Variants in OLA1 observed in about 807,000 individuals in gnomAD.
OLA1 encodes the protein obg-like ATPase 1.
A neutral mutation model predicts 48.4 loss-of-function variants in OLA1; 14 were observed. The observed-to-expected ratio is 0.29, with a 90% CI of 0.19 to 0.45. OLA1 has a LOEUF of 0.45. Ranked by LOEUF, OLA1 falls within the 20% of genes least tolerant of loss-of-function variation. OLA1 has a pLI of 1.00. For synonymous variants in OLA1, 127 were observed against 150.4 expected (o/e 0.84, Z 1.14); for missense variants, 325 against 467.1 (o/e 0.70, Z 2.80).
intron 7 of OLA1, among the ~76,000 whole-genome samples, chr2:174,112,513 C>A (rs1574487925): frequency 6.6e-6 from 1 of 152,148 alleles, no homozygotes; most frequent in African/African-American, 2.4e-5. Flanking sequence ...AATGTGCCCC[C>A]CAAGGTTCGT....
chr2:174,172,119 A>G, intron 4 of OLA1: 1 of 217,758 alleles, frequency 4.6e-6, no homozygotes, highest in African/African-American at 2.3e-5. Flanking sequence ...AGACTGCCAT[A>G]AAGAATAACC....
chr2:174,221,931 CA>C lies in OLA1; in HGVS notation c.373+1101del, dbSNP rs1688515103. On this transcript the variant is annotated intron_variant, in intron 4 of 10. Transcript: ENST00000284719. ...ACAAAACTGGATCACTTCCCCATCACAGCCTCATTCTTTTATCTAGACTTCC... is the reference window on the plus strand; with the variant it reads ...ACAAAACTGGATCACTTCCCCATCACGCCTCATTCTTTTATCTAGACTTCC... 3.3e-5 allele frequency among the ~76,000 whole-genome samples: 5 copies of C among 152,278 alleles called. No individual in the cohort carries two copies. In the South Asian group the frequency reaches 1.0e-3, roughly 32 times the overall value.
chr2:174,161,206 C>A (rs1687003631), intron 4 of OLA1, among the ~76,000 whole-genome samples: 1 of 152,050 alleles, frequency 6.6e-6, no homozygotes, highest in African/African-American at 2.4e-5. Flanking sequence ...ATTTTGCTAG[C>A]TAAGTTTTAA....
At chr2:174,097,046 C>T (rs970994299) in intron 7 of OLA1, among the ~76,000 whole-genome samples, 1 of 152,138 alleles carries the variant, frequency 6.6e-6, no homozygotes, top group Non-Finnish European at 1.5e-5. Context: ...ATCCCAGCTA[C>T]TTGGGAGGCT....
intron 2 of OLA1, among the ~76,000 whole-genome samples, chr2:174,238,333 T>C (rs1252123762): frequency 5.3e-5 from 8 of 151,648 alleles, no homozygotes; most frequent in Non-Finnish European, 1.2e-4. Flanking sequence ...CCTGGCTCTA[T>C]TAAAAATACA....
At chr2:174,095,325 GT>G (rs1205716344) in intron 7 of OLA1, among the ~76,000 whole-genome samples, 1,330 of 77,950 alleles carry the variant, frequency 0.017, 20 homozygotes, top group African/African-American at 0.058. Context: ...GTTATTTCCT[GT>G]TTTTTTTTTT....
intron 1 of OLA1, chr2:174,247,984 C>A: frequency 1.8e-6 from 1 of 548,796 alleles, no homozygotes; most frequent in Non-Finnish European, 3.1e-6. Context: ...CTCCTAGGAC[C>A]ACGCTGGGGC....
At chr2:174,119,442 T>C (rs1343189387) in intron 7 of OLA1, among the ~76,000 whole-genome samples, 2 of 152,144 alleles carry the variant, frequency 1.3e-5, no homozygotes, top group Non-Finnish European at 2.9e-5. Flanking sequence ...TTTATATTTA[T>C]ATGCATATAT....
rs1411838139 is a variant in OLA1 at position 174,074,578 on chromosome 2, A to G, written c.*848T>C. 6.6e-6 allele frequency: 1 copy of G among 152,250 alleles called. No individual in the cohort carries two copies. The highest frequency in any genetic ancestry group is 2.4e-5 in the African/African-American group (1 of 41,472). 9.4% of individuals were successfully genotyped at this position (152,250 alleles called of 1,614,324 possible). On this transcript the variant is annotated 3_prime_UTR_variant, in exon 11 of 11. Coordinates refer to ENST00000284719, the MANE Select transcript of OLA1 (RefSeq NM_013341.5). ...TATACACATTGCTGAATTGAAGCAA[A>G]ACATAACCCACCAGACATCAATGGG...
chr2:174,166,921 C>G (rs778431295), intron 4 of OLA1, among the ~76,000 whole-genome samples: 6 of 152,144 alleles, frequency 3.9e-5, no homozygotes, highest in Non-Finnish European at 8.8e-5. Flanking sequence ...AGTTCCCCTT[C>G]TTTCTCCTAT....
chr2:174,223,433 T>A lies in OLA1; in HGVS notation c.246-273A>T, dbSNP rs148442494. Among the ~76,000 whole-genome samples, 1,055 of 152,314 alleles carry A rather than the reference T, an allele frequency of 6.9e-3. 16 individuals are homozygous for A. The highest frequency in any genetic ancestry group is 0.05 in the Admixed American group (762 of 15,302). On this transcript the variant is annotated intron_variant, in intron 3 of 10. Coordinates refer to ENST00000284719, the MANE Select transcript of OLA1 (RefSeq NM_013341.5). ...CTGAAATTAAAACTCTTATCATTAA[T>A]TTTACTATAAAGTTCTATTGGCACA... is the stretch of plus-strand genomic sequence containing the variant.
At chr2:174,177,861 A>T (rs925966485) in intron 4 of OLA1, among the ~76,000 whole-genome samples, 2 of 152,048 alleles carry the variant, frequency 1.3e-5, no homozygotes, top group African/African-American at 4.8e-5. Context: ...GATTTCTTAA[A>T]TTTTTTTCAG....
At chr2:174,236,125 T>C (rs1688842241) in intron 2 of OLA1, among the ~76,000 whole-genome samples, 1 of 151,622 alleles carries the variant, frequency 6.6e-6, no homozygotes, top group South Asian at 2.1e-4. Flanking sequence ...TAACATAAAA[T>C]CCACAGTGTA....
At chr2:174,247,829 T>A in intron 1 of OLA1, 1 of 1,532,780 alleles carries the variant, frequency 6.5e-7, no homozygotes, top group Non-Finnish European at 8.8e-7. Flanking sequence ...AAACTTTCTC[T>A]GTCCCTTACT....
chr2:174,169,770 C>T (rs1574525250), intron 4 of OLA1, among the ~76,000 whole-genome samples: 1 of 152,174 alleles, frequency 6.6e-6, no homozygotes, highest in East Asian at 1.9e-4. Flanking sequence ...GTGCAAAAGG[C>T]TTTTTGTTTT....
chr2:174,187,453 C>G (rs778675526), intron 4 of OLA1, among the ~76,000 whole-genome samples: 11 of 152,184 alleles, frequency 7.2e-5, no homozygotes, highest in Non-Finnish European at 1.0e-4. Flanking sequence ...AAGGAGTGAA[C>G]TTCTTACCAG....
At chr2:174,228,293 TTCATA>T (rs1688656134) in intron 3 of OLA1, among the ~76,000 whole-genome samples, 1 of 152,138 alleles carries the variant, frequency 6.6e-6, no homozygotes, top group Non-Finnish European at 1.5e-5. Flanking sequence ...CTGTGCTACA[TTCATA>T]TAATATAGCA....
chr2:174,179,726 T>C (rs1164892136), intron 4 of OLA1, among the ~76,000 whole-genome samples: 1 of 152,054 alleles, frequency 6.6e-6, no homozygotes, highest in Non-Finnish European at 1.5e-5. Flanking sequence ...ATATTATGAA[T>C]TTTACTAACC....
chr2:174,233,349 C>T (rs537127579), intron 2 of OLA1, among the ~76,000 whole-genome samples: 9 of 152,226 alleles, frequency 5.9e-5, no homozygotes, highest in African/African-American at 2.2e-4. Context: ...CATTAAAAAA[C>T]GATTAAGATG....
Sources: gnomAD v4.1 joint callset for allele counts (sites outside exome capture counted in the v4.1 genomes callset) on GRCh38, gnomAD v4.1.1 for gene constraint, MANE v1.5 for transcripts, NCBI Gene and HGNC (gene_info 2026-07-23, HGNC 2026-07-21) for gene names.